IMMP2L: variants seen among roughly 807,000 people sequenced by gnomAD.
IMMP2L encodes the protein mitochondrial inner membrane protease subunit 2.
A neutral mutation model predicts 19.3 loss-of-function variants in IMMP2L; 18 were observed. The ratio of observed to expected loss-of-function variants is 0.93; its 90% confidence interval spans 0.64 to 1.38. The LOEUF (loss-of-function observed/expected upper bound fraction) is 1.38, where lower values mean the gene tolerates loss of function less well. IMMP2L is among the 40% of genes most tolerant of loss of function. The pLI, the probability that IMMP2L is intolerant of heterozygous loss-of-function variation, is 0.00. For missense variants in IMMP2L, 233 were observed against 218.2 expected (o/e 1.07, Z -0.43); for synonymous variants, 76 against 73.0 (o/e 1.04, Z -0.21).
chr7:110,749,207 T>C (rs982866278), intron 5 of IMMP2L, among the ~76,000 whole-genome samples: 2 of 152,158 alleles, frequency 1.3e-5, no homozygotes, highest in African/African-American at 4.8e-5. Context: ...TACCATCTCA[T>C]GCCAGTTAGA....
intron 1 of IMMP2L, among the ~76,000 whole-genome samples, chr7:111,542,572 T>C (rs1452714448): frequency 1.3e-5 from 2 of 152,158 alleles, no homozygotes; most frequent in African/African-American, 4.8e-5. Context: ...CCTCCAGTTA[T>C]TCATAACTCC....
intron 1 of IMMP2L, among the ~76,000 whole-genome samples, chr7:111,524,833 T>TTCCA (rs1846685631): frequency 6.6e-6 from 1 of 152,088 alleles, no homozygotes; most frequent in African/African-American, 2.4e-5. Flanking sequence ...CTCTACGTGG[T>TTCCA]TCCATCAGAA....
intron 3 of IMMP2L, among the ~76,000 whole-genome samples, chr7:111,199,399 T>C (rs1253013578): frequency 1.3e-5 from 2 of 152,064 alleles, no homozygotes; most frequent in African/African-American, 4.8e-5. Context: ...AATATGTACG[T>C]GGAACATGTA....
At chr7:111,226,688 T>G (rs530622919) in intron 3 of IMMP2L, among the ~76,000 whole-genome samples, 4 of 152,092 alleles carry the variant, frequency 2.6e-5, no homozygotes, top group African/African-American at 9.6e-5. Flanking sequence ...AATTGTGAAG[T>G]GAAATAAGAA....
At chr7:111,507,818 TG>T (rs1845073649) in intron 2 of IMMP2L, among the ~76,000 whole-genome samples, 1 of 152,196 alleles carries the variant, frequency 6.6e-6, no homozygotes. Context: ...TTCATTGACA[TG>T]TCAGGCACTC....
chr7:111,159,158 C>G (rs1476874456), intron 3 of IMMP2L, among the ~76,000 whole-genome samples: 1 of 152,102 alleles, frequency 6.6e-6, no homozygotes, highest in African/African-American at 2.4e-5. Flanking sequence ...CTCTGTTACC[C>G]AGGTTGGAGT....
At chr7:110,962,592 C>A (rs537676761) in intron 4 of IMMP2L, 1 of 323,134 alleles carries the variant, frequency 3.1e-6, no homozygotes, top group South Asian at 1.2e-4. Context: ...GAGTGAAAAA[C>A]GGCAAGTAAC....
intron 5 of IMMP2L, among the ~76,000 whole-genome samples, chr7:110,838,886 C>A (rs1420041673): frequency 6.6e-6 from 1 of 151,714 alleles, no homozygotes; most frequent in Admixed American, 6.6e-5. Flanking sequence ...TCTCTGACTG[C>A]CATTCAGCTG....
chr7:111,537,863 A>C (rs908095438), intron 1 of IMMP2L, among the ~76,000 whole-genome samples: 1 of 151,810 alleles, frequency 6.6e-6, no homozygotes, highest in Non-Finnish European at 1.5e-5. Context: ...TCATGCTTCA[A>C]CCAAACCCAC....
chr7:110,734,190 A>G (rs1326068852), intron 5 of IMMP2L, among the ~76,000 whole-genome samples: 1 of 152,196 alleles, frequency 6.6e-6, no homozygotes, highest in African/African-American at 2.4e-5. Flanking sequence ...AGAAGAAGAG[A>G]GCTGTAAACA....
At chr7:111,474,139 A>G (rs1841512698) in intron 3 of IMMP2L, among the ~76,000 whole-genome samples, 1 of 152,126 alleles carries the variant, frequency 6.6e-6, no homozygotes, top group Non-Finnish European at 1.5e-5. Flanking sequence ...CATGAACATA[A>G]AGATGGCAAT....
chr7:111,421,267 C>CTTT lies in IMMP2L; in HGVS notation c.239+65968_239+65970dup, dbSNP rs1227013257. 2.6e-3 allele frequency among the ~76,000 whole-genome samples: 324 copies of CTTT among 122,878 alleles called. 11 individuals are homozygous for CTTT. The highest frequency in any genetic ancestry group is 8.7e-3 in the African/African-American group (273 of 31,470). 80.6% of individuals were successfully genotyped at this position (122,878 alleles called of 152,430 possible). ...TTTTGATGGGGTTGTTTGTTTTTTT[C>CTTT]TTTTTTTTTTTTTTTTTTTTGAGAC... On this transcript the variant is annotated intron_variant, in intron 3 of 5. Coordinates refer to ENST00000405709, the MANE Select transcript of IMMP2L (RefSeq NM_032549.4).
intron 5 of IMMP2L, among the ~76,000 whole-genome samples, chr7:110,723,569 T>C (rs117001836): frequency 5.9e-5 from 9 of 152,296 alleles, no homozygotes; most frequent in Non-Finnish European, 1.3e-4. Context: ...TGATTAGCAA[T>C]TGTAGTAGTT....
At chr7:110,747,934 A>G (rs947389554) in intron 5 of IMMP2L, among the ~76,000 whole-genome samples, 2 of 152,196 alleles carry the variant, frequency 1.3e-5, no homozygotes, top group African/African-American at 4.8e-5. Context: ...AGGGTATTCA[A>G]TTAGGAAAAG....
At chr7:110,737,262 G>A (rs1000816929) in intron 5 of IMMP2L, among the ~76,000 whole-genome samples, 3 of 152,164 alleles carry the variant, frequency 2.0e-5, no homozygotes, top group African/African-American at 7.2e-5. Flanking sequence ...TCAATGGGGA[G>A]GTTTGTGGTC....
At chr7:111,502,160 G>T (rs996403856) in intron 2 of IMMP2L, among the ~76,000 whole-genome samples, 11 of 152,054 alleles carry the variant, frequency 7.2e-5, no homozygotes, top group African/African-American at 2.7e-4. Flanking sequence ...AAAAGGCAGG[G>T]ATTGCAATCC....
At chr7:111,199,825 G>T (rs1199031847) in intron 3 of IMMP2L, among the ~76,000 whole-genome samples, 1 of 152,080 alleles carries the variant, frequency 6.6e-6, no homozygotes, top group African/African-American at 2.4e-5. Flanking sequence ...CATAAAGTAT[G>T]CTGCTAGACA....
chr7:110,914,758 A>G (rs958374198), intron 4 of IMMP2L, among the ~76,000 whole-genome samples: 1 of 150,470 alleles, frequency 6.6e-6, no homozygotes, highest in Non-Finnish European at 1.5e-5. Flanking sequence ...GTATGAGTTT[A>G]ATTTGGTACA....
rs140190978 is a variant in IMMP2L at position 111,064,224 on chromosome 7, T to G, written c.240-100659A>C. 5.4e-4 allele frequency among the ~76,000 whole-genome samples: 83 copies of G among 152,318 alleles called. No individual in the cohort carries two copies. The East Asian group carries it at 0.012, about 23-fold the overall frequency. On this transcript the variant is annotated intron_variant, in intron 3 of 5. Transcript: ENST00000405709. ...TAAACCATCAGATCTCATGGGATGC[T>G]TTCACTATCATAAGACCAGCTCAGG...
Sources: gnomAD v4.1 joint callset for allele counts (sites outside exome capture counted in the v4.1 genomes callset) on GRCh38, gnomAD v4.1.1 for gene constraint, MANE v1.5 for transcripts, NCBI Gene and HGNC (gene_info 2026-07-23, HGNC 2026-07-21) for gene names.